BMP2K: variants seen among roughly 807,000 people sequenced by gnomAD.
The protein encoded by BMP2K is BMP2 inducible kinase.
BMP2K carries 74 observed loss-of-function variants against 116.0 expected under a neutral mutation model. The observed-to-expected ratio is 0.64, with a 90% CI of 0.53 to 0.77. The LOEUF (loss-of-function observed/expected upper bound fraction) is 0.77, where lower values mean the gene tolerates loss of function less well. Ranked by LOEUF, BMP2K falls within the 30% of genes least tolerant of loss-of-function variation. BMP2K has a pLI of 0.00. For missense variants in BMP2K, 1,365 were observed against 1,403.6 expected, an observed-to-expected ratio of 0.97 and a Z score of 0.44; for synonymous variants, 486 against 502.5, an observed-to-expected ratio of 0.97 and a Z score of 0.44.
chr4:78,879,018 A>C (rs1259417312), intron 14 of BMP2K, 127 bp downstream of exon 14: 2 of 1,485,522 alleles, frequency 1.3e-6, no homozygotes, highest in Non-Finnish European at 1.8e-6. Context: ...GGCAAAATTC[A>C]GGCCATCTTC....
rs571444748 is a variant in BMP2K, at chr4:78,803,322, CTATT to C, written c.179-22713_179-22710del. Among the ~76,000 whole-genome samples, 394 of 152,084 alleles carry C rather than the reference CTATT, an allele frequency of 2.6e-3. 1 individual carries two copies. Among genetic ancestry groups the C allele is most frequent in the Non-Finnish European group, 4.4e-3 (302 of 67,980 alleles). On this transcript the variant is annotated intron_variant, in intron 1 of 15. Transcript: ENST00000502613. ...CCCTCATAAAGCTCTCACGTGTCTT[CTATT>C]TGATTTAATCCTTGATTTTTAAAAA...
Position 78,911,992 on chromosome 4 carries a change from T to G in BMP2K, c.3445T>G (p.Leu1149Val). 6.2e-7 allele frequency: 1 copy of G among 1,613,706 alleles called. No homozygotes were observed. Among genetic ancestry groups the G allele is most frequent in the Non-Finnish European group, 8.5e-7 (1 of 1,179,680 alleles). ...GTCCCAACAGTCCCAACCAGTCGAA[T>G]TAGACCCATTTGGTGCTGCTCCATT... ...HQSQQSQPVELDPFGAAPFPS... is the reference protein window; with the variant it reads ...HQSQQSQPVEVDPFGAAPFPS... Residue 1149 changes from leucine (L) to valine (V), a missense_variant, in exon 16 of 16, where the codon TTA becomes GTA. By Grantham distance (32) the Leu-to-Val change is conservative (BLOSUM62 1). Transcript: ENST00000502613.
At chr4:78,866,694 A>C (rs1384388838) in intron 10 of BMP2K, among the ~76,000 whole-genome samples, 3 of 152,124 alleles carry the variant, frequency 2.0e-5, no homozygotes, top group Non-Finnish European at 4.4e-5. Flanking sequence ...CTTGTCCCCC[A>C]GGCTGGAGTG....
chr4:78,815,615 A>G (rs1295842800), intron 1 of BMP2K, among the ~76,000 whole-genome samples: 1 of 151,416 alleles, frequency 6.6e-6, no homozygotes, highest in African/African-American at 2.4e-5. Context: ...GAAAAAAATT[A>G]AAATATACAG....
At chr4:78,806,285 C>G (rs1349589115) in intron 1 of BMP2K, among the ~76,000 whole-genome samples, 1 of 152,026 alleles carries the variant, frequency 6.6e-6, no homozygotes, top group East Asian at 1.9e-4. Flanking sequence ...ATGCATTCCT[C>G]CAGCCTCAGC....
At position 78,842,435 on chromosome 4, in the gene BMP2K, G is replaced by GA; in HGVS notation, c.456dup (p.Pro153ThrfsTer9). Reference sequence around the variant, plus strand: ...TAAGAAGCTACAGACGGGTTTTACAGAACCAGAAGTGTTACAGATATTCTG... The same window carrying GA: ...TAAGAAGCTACAGACGGGTTTTACAGAAACCAGAAGTGTTACAGATATTCTG... On this transcript the variant is annotated frameshift_variant, in exon 4 of 16. Coordinates refer to ENST00000502613, the MANE Select transcript of BMP2K (RefSeq NM_198892.2). LOFTEE classifies it high-confidence loss of function. 1.2e-6 allele frequency: 2 copies of GA among 1,608,334 alleles called. No individual in the cohort carries two copies. Among genetic ancestry groups the GA allele is most frequent in the Non-Finnish European group, 1.7e-6 (2 of 1,175,960 alleles).
At position 78,871,945 on chromosome 4, in the gene BMP2K, A is replaced by G. The variant is rs764423090; in HGVS notation, c.1605A>G (p.Thr535=). 2 of 1,594,208 alleles carry G rather than the reference A, an allele frequency of 1.3e-6. No individual in the cohort carries two copies. Among genetic ancestry groups the G allele is most frequent in the Non-Finnish European group, 1.7e-6 (2 of 1,166,864 alleles). Residue 535 remains threonine (T), a synonymous_variant, in exon 12 of 16, where the codon ACA becomes ACG. Coordinates refer to ENST00000502613, the MANE Select transcript of BMP2K (RefSeq NM_198892.2). ...AACCTTCTGCATCACAGTATCCTAC[A>G]ATGGTAACTTAAATAATTTCTAGAG... The part of the protein sequence containing the change: ...QPQPSASQYP[T]MMPQYQQAFF...
intron 15 of BMP2K, among the ~76,000 whole-genome samples, chr4:78,899,353 G>A (rs2110091902): frequency 6.6e-6 from 1 of 152,088 alleles, no homozygotes; most frequent in East Asian, 1.9e-4. Flanking sequence ...GAGAATATAG[G>A]GTAGGTCAAG....
At chr4:78,895,406 A>T (rs1417460662) in intron 15 of BMP2K, among the ~76,000 whole-genome samples, 1 of 152,232 alleles carries the variant, frequency 6.6e-6, no homozygotes, top group Admixed American at 6.5e-5. Context: ...CATAGTTTAT[A>T]ATTTTTCTAA....
intron 1 of BMP2K, among the ~76,000 whole-genome samples, chr4:78,786,701 A>G (rs1456746667): frequency 6.6e-6 from 1 of 152,204 alleles, no homozygotes; most frequent in Non-Finnish European, 1.5e-5. Context: ...TATATTTAAA[A>G]TAGTTACTTT....
chr4:78,853,769 C>T (rs902485038), intron 7 of BMP2K, among the ~76,000 whole-genome samples: 1 of 152,060 alleles, frequency 6.6e-6, no homozygotes, highest in African/African-American at 2.4e-5. Context: ...TAAAAAGTAC[C>T]CACCTCTTAC....
intron 15 of BMP2K, chr4:78,899,011 G>T (rs1733858185): frequency 6.6e-6 from 1 of 152,660 alleles, no homozygotes; most frequent in African/African-American, 2.4e-5. Context: ...AAGCGAGGGG[G>T]ACCACCAGGT....
At chr4:78,835,975 C>T (rs1730457986) in intron 3 of BMP2K, among the ~76,000 whole-genome samples, 1 of 147,896 alleles carries the variant, frequency 6.8e-6, no homozygotes, top group Admixed American at 6.6e-5. Context: ...GGTTTTGGAC[C>T]AAATCAGTGT....
chr4:78,885,279 T>G (rs759993944), intron 14 of BMP2K, among the ~76,000 whole-genome samples: 11 of 152,206 alleles, frequency 7.2e-5, no homozygotes, highest in Non-Finnish European at 1.3e-4. Flanking sequence ...ATAAAGGTTT[T>G]GAAAGAATTA....
intron 1 of BMP2K, among the ~76,000 whole-genome samples, chr4:78,800,355 A>G (rs1728509179): frequency 6.6e-6 from 1 of 152,210 alleles, no homozygotes; most frequent in African/African-American, 2.4e-5. Flanking sequence ...TGTTAGGGCT[A>G]GTATAGTGAT....
intron 1 of BMP2K, among the ~76,000 whole-genome samples, chr4:78,802,235 G>A (rs1334638113): frequency 6.6e-6 from 1 of 152,196 alleles, no homozygotes; most frequent in African/African-American, 2.4e-5. Flanking sequence ...GACTTTATGT[G>A]GTGATCCCAG....
chr4:78,781,071 T>G (rs1428181313), intron 1 of BMP2K, among the ~76,000 whole-genome samples: 1 of 152,206 alleles, frequency 6.6e-6, no homozygotes, highest in Non-Finnish European at 1.5e-5. Context: ...AGCTGTGGAC[T>G]ACAATGAATG....
At chr4:78,844,357 T>C (rs1309576405) in intron 4 of BMP2K, among the ~76,000 whole-genome samples, 1 of 151,798 alleles carries the variant, frequency 6.6e-6, no homozygotes, top group East Asian at 1.9e-4. Context: ...TAATTTATTT[T>C]AATTACTACA....
At chr4:78,829,759 T>TCTTTA (rs1730066918) in intron 2 of BMP2K, among the ~76,000 whole-genome samples, 1 of 103,596 alleles carries the variant, frequency 9.7e-6, no homozygotes, top group Admixed American at 9.1e-5. Context: ...AACAATCTTT[T>TCTTTA]CTTTTCTTTT....
Sources: allele counts gnomAD v4.1 joint callset (sites outside exome capture counted in the v4.1 genomes callset), GRCh38; gene constraint gnomAD v4.1.1; transcripts MANE v1.5; gene names NCBI Gene and HGNC (gene_info 2026-07-23, HGNC 2026-07-21).